XKR6: variants seen among roughly 807,000 people sequenced by gnomAD.
XKR6 encodes the protein XK-related protein 6.
A neutral mutation model predicts 56.7 loss-of-function variants in XKR6; 22 were observed. The observed-to-expected ratio is 0.39, with a 90% confidence interval of 0.28 to 0.55. The LOEUF (loss-of-function observed/expected upper bound fraction) is 0.55. XKR6 is among the 20% of genes least tolerant of loss of function. The probability of loss-of-function intolerance (pLI) is 0.66; values close to 1 mark genes in which losing one functional copy is unlikely to be tolerated. For synonymous variants in XKR6, 524 were observed against 387.8 expected, an observed-to-expected ratio of 1.35 and a Z score of -4.13; for missense variants, 852 against 889.0, an observed-to-expected ratio of 0.96 and a Z score of 0.53.
chr8:10,981,120 G>A (rs1221620092), intron 1 of XKR6, among the ~76,000 whole-genome samples: 1 of 152,134 alleles, frequency 6.6e-6, no homozygotes, highest in African/African-American at 2.4e-5. Context: ...CTCTCCCACT[G>A]TCAACCAGGC....
intron 2 of XKR6, among the ~76,000 whole-genome samples, chr8:10,911,548 TATAG>T (rs1480783409): frequency 6.8e-6 from 1 of 146,756 alleles, no homozygotes; most frequent in Non-Finnish European, 1.5e-5. Flanking sequence ...AATATATATA[TATAG>T]AGAGAATATC....
At chr8:11,079,792 T>A (rs1243462020) in intron 1 of XKR6, among the ~76,000 whole-genome samples, 1 of 152,034 alleles carries the variant, frequency 6.6e-6, no homozygotes, top group Non-Finnish European at 1.5e-5. Flanking sequence ...AGACCCCTTG[T>A]CATCTCTACA....
chr8:11,187,533 G>A (rs575385152), intron 1 of XKR6, among the ~76,000 whole-genome samples: 2 of 152,274 alleles, frequency 1.3e-5, no homozygotes, highest in East Asian at 1.9e-4. Context: ...GTTGGTTCAC[G>A]AGTGGTTCTT....
At chr8:11,187,413 C>T (rs890914047) in intron 1 of XKR6, among the ~76,000 whole-genome samples, 4 of 152,174 alleles carry the variant, frequency 2.6e-5, no homozygotes, top group Non-Finnish European at 5.9e-5. Context: ...GTGACACCAT[C>T]GCTGATTCAA....
At chr8:10,978,372 C>G (rs1032994619) in intron 1 of XKR6, among the ~76,000 whole-genome samples, 4 of 152,196 alleles carry the variant, frequency 2.6e-5, no homozygotes, top group African/African-American at 9.7e-5. Flanking sequence ...TTCAATAACT[C>G]TTGTCAAGAC....
At chr8:11,147,910 T>C (rs1257010537) in intron 1 of XKR6, among the ~76,000 whole-genome samples, 1 of 151,568 alleles carries the variant, frequency 6.6e-6, no homozygotes, top group African/African-American at 2.4e-5. Flanking sequence ...TTTAAAGAGG[T>C]AATTAAGCTA....
At chr8:10,973,428 G>A (rs181076477) in intron 1 of XKR6, among the ~76,000 whole-genome samples, 51 of 152,234 alleles carry the variant, frequency 3.4e-4, no homozygotes, top group South Asian at 2.1e-4. Context: ...TGAGAGCTCC[G>A]TGTGCACCAG....
Position 10,920,677 on chromosome 8 carries a change from C to T in XKR6, c.961+3957G>A, listed in dbSNP as rs188744265. ...ACAAAATTGTCTCGTGATGAGGACA[C>T]GACTCTAGAAGTTAAGTAAGAGAGA... On this transcript the variant is annotated intron_variant, in intron 2 of 2. Coordinates refer to ENST00000416569, the MANE Select transcript of XKR6 (RefSeq NM_173683.4). Among the ~76,000 whole-genome samples the T allele has an allele frequency of 1.1e-4, 16 of 152,352 alleles. 1 individual carries two copies. The South Asian group carries it at 1.2e-3, about 12-fold the overall frequency.
intron 1 of XKR6, among the ~76,000 whole-genome samples, chr8:11,170,204 AC>A (rs1175101078): frequency 6.6e-6 from 1 of 152,232 alleles, no homozygotes; most frequent in African/African-American, 2.4e-5. Flanking sequence ...TATATATCCA[AC>A]AAAAATTAAG....
chr8:11,091,613 G>C (rs1171139385), intron 1 of XKR6, among the ~76,000 whole-genome samples: 1 of 152,094 alleles, frequency 6.6e-6, no homozygotes, highest in African/African-American at 2.4e-5. Flanking sequence ...TAGGGGAGGA[G>C]GCAGTGGGAG....
At chr8:11,015,534 G>C (rs112955573) in intron 1 of XKR6, among the ~76,000 whole-genome samples, 5,610 of 152,176 alleles carry the variant, frequency 0.037, 347 homozygotes, top group African/African-American at 0.13. Context: ...AGGGAGGAGA[G>C]GGGGACGCTG....
chr8:11,179,475 C>A (rs1386719469), intron 1 of XKR6, among the ~76,000 whole-genome samples: 3 of 152,138 alleles, frequency 2.0e-5, no homozygotes, highest in African/African-American at 7.3e-5. Context: ...AAGGTACTAT[C>A]AGAATTAAAT....
rs191647070 is a variant in XKR6 at position 10,920,879 on chromosome 8, G to C, written c.961+3755C>G. Among the ~76,000 whole-genome samples the C allele has an allele frequency of 7.7e-4, 118 of 152,330 alleles. 1 individual carries two copies. The highest frequency in any genetic ancestry group is 3.4e-3 in the Middle Eastern group (1 of 294). ...TCCCAAATATATTTAACCACAAAAG[G>C]CTGTATTGAGAAACACCCATTCCAC... On this transcript the variant is annotated intron_variant, in intron 2 of 2. Coordinates refer to ENST00000416569, the MANE Select transcript of XKR6 (RefSeq NM_173683.4).
At chr8:10,950,930 A>G (rs1245039686) in intron 1 of XKR6, among the ~76,000 whole-genome samples, 1 of 152,220 alleles carries the variant, frequency 6.6e-6, no homozygotes, top group Non-Finnish European at 1.5e-5. Context: ...TGAGGTGCAG[A>G]GACGGCGAGT....
At chr8:11,030,919 A>T (rs988734684) in intron 1 of XKR6, among the ~76,000 whole-genome samples, 1 of 152,324 alleles carries the variant, frequency 6.6e-6, no homozygotes, top group East Asian at 1.9e-4. Context: ...CAACTGCCCT[A>T]TGAAGTAGGT....
chr8:11,177,120 C>G (rs1238144505), intron 1 of XKR6, among the ~76,000 whole-genome samples: 2 of 152,158 alleles, frequency 1.3e-5, no homozygotes, highest in Non-Finnish European at 2.9e-5. Flanking sequence ...AGAAAAAGCA[C>G]CATGTGCCAG....
At chr8:11,114,454 T>G (rs1416145928) in intron 1 of XKR6, among the ~76,000 whole-genome samples, 1 of 152,160 alleles carries the variant, frequency 6.6e-6, no homozygotes, top group Non-Finnish European at 1.5e-5. Flanking sequence ...CTCTGCCTCC[T>G]GGGTTCAAGC....
chr8:11,199,946 A>G (rs1158274847), intron 1 of XKR6, among the ~76,000 whole-genome samples: 1 of 152,142 alleles, frequency 6.6e-6, no homozygotes, highest in Non-Finnish European at 1.5e-5. Flanking sequence ...TGTCGCTAAG[A>G]AAAGGACACG....
chr8:10,942,946 G>A (rs892270488), intron 1 of XKR6, among the ~76,000 whole-genome samples: 1 of 152,218 alleles, frequency 6.6e-6, no homozygotes, highest in Admixed American at 6.5e-5. Context: ...CCACATCCCA[G>A]GGCTGCAAGG....
Sources: allele counts gnomAD v4.1 joint callset (sites outside exome capture counted in the v4.1 genomes callset), GRCh38; gene constraint gnomAD v4.1.1; transcripts MANE v1.5; gene names NCBI Gene and HGNC (gene_info 2026-07-23, HGNC 2026-07-21).